GNL2: variants seen among roughly 807,000 people sequenced by gnomAD.
GNL2 encodes nucleolar GTP-binding protein 2.
GNL2 carries 51 observed loss-of-function variants against 92.3 expected under a neutral mutation model. The observed-to-expected ratio is 0.55, with a 90% CI of 0.44 to 0.70. GNL2 has a LOEUF of 0.70. Among genes scored for constraint, GNL2 ranks in the 30% least tolerant of loss-of-function variants. The pLI, the probability that GNL2 is intolerant of heterozygous loss-of-function variation, is 0.00. For synonymous variants in GNL2, 283 were observed against 300.6 expected (o/e 0.94, Z 0.61); for missense variants, 844 against 895.6 (o/e 0.94, Z 0.74).
chr1:37,584,266 T>G (rs1557642798), intron 5 of GNL2, among the ~76,000 whole-genome samples: 2 of 151,540 alleles, frequency 1.3e-5, no homozygotes, highest in African/African-American at 4.9e-5. Flanking sequence ...CTGGGCAACA[T>G]GGCAAAACCC....
At chr1:37,585,681 A>C (rs1643840152) in intron 5 of GNL2, among the ~76,000 whole-genome samples, 1 of 152,212 alleles carries the variant, frequency 6.6e-6, no homozygotes, top group East Asian at 1.9e-4. Context: ...TCTAAGAACA[A>C]ATAAATGAAC....
Position 37,582,386 on chromosome 1 carries a change from C to T in GNL2, c.796-50G>A, listed in dbSNP as rs146397409. ...TGGTAAACTGCAGTACATTTATTTACATTATGTGGAAGAATCAGAGCTTGA... is the reference window on the plus strand; with the variant it reads ...TGGTAAACTGCAGTACATTTATTTATATTATGTGGAAGAATCAGAGCTTGA... On this transcript the variant is annotated intron_variant, in intron 7 of 15. Coordinates refer to ENST00000373062, the MANE Select transcript of GNL2 (RefSeq NM_013285.3). The T allele has an allele frequency of 2.5e-3, 2,688 of 1,070,184 alleles. 50 individuals are homozygous for T. The African/African-American group carries it at 0.039, about 15-fold the overall frequency. The allele number at this position is 1,070,184 out of a possible 1,614,324, so 66.3% of individuals were successfully genotyped here.
intron 1 of GNL2, 68 bp from the exon 2 acceptor site, chr1:37,593,914 T>A (rs1158370891): frequency 1.7e-6 from 2 of 1,171,336 alleles, no homozygotes; most frequent in Non-Finnish European, 2.5e-6. Flanking sequence ...AGTCATTGCT[T>A]AAAATGCAAC....
In GNL2 at chr1:37,593,771, T is replaced by C. The variant is rs1183540232; in HGVS notation, c.140A>G (p.Lys47Arg). The C allele has an allele frequency of 8.7e-6, 14 of 1,612,304 alleles. No individual in the cohort carries two copies. Among genetic ancestry groups the C allele is most frequent in the Non-Finnish European group, 1.2e-5 (14 of 1,178,386 alleles). Residue 47 changes from lysine to arginine, a missense_variant, in exon 2 of 16, where the codon AAG (lysine) becomes AGG (arginine). Coordinates refer to ENST00000373062, the MANE Select transcript of GNL2 (RefSeq NM_013285.3). Reference protein sequence around the residue: ...TIRRLNMYRQKERRNSRGKII... With the variant: ...TIRRLNMYRQRERRNSRGKII... ...AGCACCCAGTGCTCACCTGCGCTCCTTTTGCCTATACATATTCAGGCGCCG... is the reference window on the plus strand; with the variant it reads ...AGCACCCAGTGCTCACCTGCGCTCCCTTTGCCTATACATATTCAGGCGCCG...
chr1:37,567,929 G>A (rs1643533232), intron 14 of GNL2, 165 bp from the exon 15 acceptor site: 2 of 619,752 alleles, frequency 3.2e-6, no homozygotes, highest in Non-Finnish European at 5.7e-6. Flanking sequence ...CCAGGTAAAA[G>A]GATGCCCTAA....
chr1:37,576,485 T>G lies in GNL2; in HGVS notation c.981A>C (p.Ile327=), dbSNP rs1309359350. Residue 327 remains isoleucine (I), a synonymous_variant, in exon 9 of 16, where the codon ATA becomes ATC. Coordinates refer to ENST00000373062, the MANE Select transcript of GNL2 (RefSeq NM_013285.3). ...GYPNVGKSSV[I]NTLRSKKVCN... ...AAACTTTCTTAGAACGCAATGTATT[T>G]ATCACAGAGCTCTTGCCAACATTTG... 1 of 1,614,078 alleles carries G rather than the reference T, an allele frequency of 6.2e-7. No individual in the cohort carries two copies. Among genetic ancestry groups the G allele is most frequent in the East Asian group, 2.2e-5 (1 of 44,882 alleles).
In GNL2 at chr1:37,575,829, A is replaced by T. The variant is rs1465324378; in HGVS notation, c.1039-130T>A. ...GTCAAAGAAAAGCAACGCGCTAAGT[A>T]ATTAAGCTACTAACTCTCTCATCTG... On this transcript the variant is annotated intron_variant, in intron 9 of 15. Coordinates refer to ENST00000373062, the MANE Select transcript of GNL2 (RefSeq NM_013285.3). This position sits in a 1 kb window ranked among gnomAD's most constrained non-coding sequence, Gnocchi z 4.1. The T allele has an allele frequency of 3.3e-6, 2 of 599,712 alleles. No homozygotes were observed. Among genetic ancestry groups the T allele is most frequent in the Non-Finnish European group, 5.9e-6 (2 of 339,986 alleles). The allele number at this position is 599,712 out of a possible 1,614,324, so 37.1% of individuals were successfully genotyped here.
chr1:37,581,783 G>C (rs868643591), intron 8 of GNL2, among the ~76,000 whole-genome samples: 1 of 152,160 alleles, frequency 6.6e-6, no homozygotes, highest in Non-Finnish European at 1.5e-5. Flanking sequence ...TCCTGCCTCA[G>C]TCTCCCCAGT....
At position 37,568,155 on chromosome 1, in the gene GNL2, T is replaced by C. The variant is rs536908936; in HGVS notation, c.1951+120A>G. The C allele has an allele frequency of 4.1e-5, 27 of 653,184 alleles. No individual in the cohort carries two copies. In the South Asian group the frequency reaches 4.3e-4, roughly 10 times the overall value. 40.5% of individuals were successfully genotyped at this position (653,184 alleles called of 1,614,324 possible). ...ATAACACTATGTAAATTTAAAGTAA[T>C]CTGCCAGATATGACAAACATTTATG... On this transcript the variant is annotated intron_variant, in intron 14 of 15. Coordinates refer to ENST00000373062, the MANE Select transcript of GNL2 (RefSeq NM_013285.3).
At chr1:37,578,612 C>T (rs1643716044) in intron 8 of GNL2, among the ~76,000 whole-genome samples, 1 of 151,466 alleles carries the variant, frequency 6.6e-6, no homozygotes, top group African/African-American at 2.4e-5. Context: ...GGCTGAAGTA[C>T]AGCGACACAA....
At chr1:37,574,871 C>T (rs1443981322) in intron 10 of GNL2, 48 bp from the exon 11 acceptor site, 1 of 1,380,816 alleles carries the variant, frequency 7.2e-7, no homozygotes, top group Non-Finnish European at 1.0e-6. Flanking sequence ...GTTGTGGAAG[C>T]AGTGAAGTTC....
chr1:37,583,739 G>A, intron 6 of GNL2, 128 bp downstream of exon 6: 1 of 609,462 alleles, frequency 1.6e-6, no homozygotes. Flanking sequence ...GTAGGAGGAA[G>A]AGGATGGAAC....
chr1:37,589,533 C>T (rs1208628419), intron 4 of GNL2, among the ~76,000 whole-genome samples: 3 of 152,138 alleles, frequency 2.0e-5, no homozygotes, highest in African/African-American at 7.2e-5. Context: ...GTCTCAATCT[C>T]CTGACCTTGT....
At position 37,583,884 on chromosome 1, in the gene GNL2, A is replaced by G; in HGVS notation, c.619T>C (p.Trp207Arg). The part of the protein sequence containing the change: ...IYKKGQSKRI[W>R]GELYKVIDSS... ...AGTCTTACCTTGTAGAGCTCACCCC[A>G]TATTCTTTTGGACTGTCCCTTTTTA... Residue 207 changes from tryptophan (W) to arginine (R), a missense_variant, in exon 6 of 16, where the codon TGG becomes CGG. Transcript: ENST00000373062. The G allele has an allele frequency of 5.7e-6, 9 of 1,582,262 alleles. No individual in the cohort carries two copies. The highest frequency in any genetic ancestry group is 7.8e-6 in the Non-Finnish European group (9 of 1,150,672).
At chr1:37,567,528 C>T (rs761601826) in intron 15 of GNL2, 145 bp downstream of exon 15, 4 of 664,842 alleles carry the variant, frequency 6.0e-6, no homozygotes, top group Non-Finnish European at 1.1e-5. Context: ...GTGGGCCAGA[C>T]CCGACCCTAT....
In GNL2 at chr1:37,595,744, C is replaced by A; in HGVS notation, c.64+15G>T. The A allele has an allele frequency of 6.2e-7, 1 of 1,612,600 alleles. No individual in the cohort carries two copies. Among genetic ancestry groups the A allele is most frequent in the Non-Finnish European group, 8.5e-7 (1 of 1,178,530 alleles). On this transcript the variant is annotated intron_variant, in intron 1 of 15. Transcript: ENST00000373062. ...TCCTCCAAGCTCCACCCTCGATCAG[C>A]CCTGCCGCCTGTACCTGGGTTTGTG...
Position 37,583,951 on chromosome 1 carries a change from C to G in GNL2, c.570-18G>C, listed in dbSNP as rs6426024. 1,166,539 of 1,412,474 alleles carry G rather than the reference C, an allele frequency of 0.83. 488,073 individuals carry two copies. The highest frequency in any genetic ancestry group is 0.95 in the East Asian group (41,883 of 43,898). The allele number at this position is 1,412,474 out of a possible 1,614,324, so 87.5% of individuals were successfully genotyped here. On this transcript the variant is annotated intron_variant, in intron 5 of 15. Transcript: ENST00000373062. ...CTTCATTTCTAAATAAGAAAGCACC[C>G]CAAATGAGCAACTGAAGCACCATCA...
rs1174552652 is a variant in GNL2, at chr1:37,576,350, G to C, written c.1038+78C>G. 16 of 1,298,780 alleles carry C rather than the reference G, an allele frequency of 1.2e-5. No homozygotes were observed. In the Admixed American group the frequency reaches 2.7e-4, roughly 22 times the overall value. 80.5% of individuals were successfully genotyped at this position (1,298,780 alleles called of 1,614,324 possible). A position where few individuals can be genotyped will look rare whatever the true frequency, so the allele number is the denominator to read the frequency against. Reference sequence around the variant, plus strand: ...GGTCTGCATTCAAGAGAAGCAGAGAGAAATCAACAAGTCCTAAACAATCAC... The same window carrying C: ...GGTCTGCATTCAAGAGAAGCAGAGACAAATCAACAAGTCCTAAACAATCAC... On this transcript the variant is annotated intron_variant, in intron 9 of 15. Coordinates refer to ENST00000373062, the MANE Select transcript of GNL2 (RefSeq NM_013285.3).
intron 13 of GNL2, 163 bp from the exon 14 acceptor site, chr1:37,568,520 GTGTTTC>G (rs1643543489): frequency 6.5e-6 from 4 of 613,082 alleles, no homozygotes; most frequent in Non-Finnish European, 1.2e-5. Flanking sequence ...ACCTCCCTGG[GTGTTTC>G]TAAAGCTTCT....
Sources: allele counts gnomAD v4.1 joint callset (sites outside exome capture counted in the v4.1 genomes callset), GRCh38; gene constraint gnomAD v4.1.1; non-coding constraint Gnocchi (gnomAD v3.1); transcripts MANE v1.5; gene names NCBI Gene and HGNC (gene_info 2026-07-23, HGNC 2026-07-21).